Variants in MARCHF1 observed in about 807,000 individuals in gnomAD.
The protein encoded by MARCHF1 is E3 ubiquitin-protein ligase MARCHF1.
A neutral mutation model predicts 54.2 loss-of-function variants in MARCHF1; 40 were observed. The ratio of observed to expected loss-of-function variants is 0.74; its 90% CI spans 0.57 to 0.96. MARCHF1 has a LOEUF of 0.96. Among genes scored for constraint, MARCHF1 ranks in the 40% least tolerant of loss-of-function variants. The probability of loss-of-function intolerance (pLI) is 0.00; values close to 1 mark genes in which losing one functional copy is unlikely to be tolerated. For missense variants in MARCHF1, 586 were observed against 656.5 expected (o/e 0.89, Z 1.17); for synonymous variants, 236 against 236.3 (o/e 1.00, Z 0.01).
intron 1 of MARCHF1, among the ~76,000 whole-genome samples, chr4:164,300,603 G>A (rs1579701503): frequency 6.6e-6 from 1 of 152,224 alleles, no homozygotes; most frequent in East Asian, 1.9e-4. Context: ...CTATAGGGGA[G>A]TGATCTCAGC....
intron 8 of MARCHF1, among the ~76,000 whole-genome samples, chr4:163,546,598 C>CTGT (rs1402021811): frequency 1.3e-5 from 2 of 152,190 alleles, no homozygotes; most frequent in African/African-American, 4.8e-5. Flanking sequence ...TCAACATTTT[C>CTGT]TGTTCACAAC....
intron 7 of MARCHF1, among the ~76,000 whole-genome samples, chr4:163,587,424 A>G (rs1740446068): frequency 6.6e-6 from 1 of 152,246 alleles, no homozygotes; most frequent in African/African-American, 2.4e-5. Context: ...ACGCCATGGA[A>G]TACTATGCAG....
chr4:163,818,759 G>C (rs1748612173), intron 4 of MARCHF1, among the ~76,000 whole-genome samples: 1 of 152,050 alleles, frequency 6.6e-6, no homozygotes, highest in Non-Finnish European at 1.5e-5. Context: ...AAAGACACCA[G>C]TCTCTCAAGT....
intron 4 of MARCHF1, among the ~76,000 whole-genome samples, chr4:163,818,880 C>T (rs545177100): frequency 6.6e-5 from 10 of 152,208 alleles, no homozygotes; most frequent in South Asian, 2.1e-4. Flanking sequence ...TTGAAGCACA[C>T]GTCATTACAT....
intron 8 of MARCHF1, among the ~76,000 whole-genome samples, chr4:163,572,315 CTTCCT>C (rs1235859812): frequency 7.2e-5 from 6 of 83,512 alleles, no homozygotes; most frequent in African/African-American, 2.2e-4. Flanking sequence ...AGGTCTCTTT[CTTCCT>C]TTTTTTTTTT....
chr4:163,778,328 T>C (rs1479927851), intron 4 of MARCHF1, among the ~76,000 whole-genome samples: 1 of 152,210 alleles, frequency 6.6e-6, no homozygotes, highest in Non-Finnish European at 1.5e-5. Flanking sequence ...TTTGACTTCA[T>C]AAGAAACTGC....
intron 1 of MARCHF1, among the ~76,000 whole-genome samples, chr4:164,324,041 T>C (rs896692695): frequency 2.0e-5 from 3 of 151,582 alleles, no homozygotes; most frequent in Non-Finnish European, 4.4e-5. Flanking sequence ...TAAAGACTAA[T>C]TTTAATTATT....
At chr4:163,832,131 A>G (rs1474724025) in intron 4 of MARCHF1, among the ~76,000 whole-genome samples, 1 of 152,248 alleles carries the variant, frequency 6.6e-6, no homozygotes, top group Admixed American at 6.5e-5. Context: ...GGCAGATTTA[A>G]CAAGACAACG....
chr4:164,075,095 G>T (rs2111100017), intron 2 of MARCHF1, among the ~76,000 whole-genome samples: 1 of 152,144 alleles, frequency 6.6e-6, no homozygotes, highest in East Asian at 1.9e-4. Flanking sequence ...ATCAAGAAAA[G>T]CAGCCTCTGT....
rs148771777 is a variant in MARCHF1, at chr4:164,197,494, G to A, written c.-322-85832C>T. On this transcript the variant is annotated intron_variant, in intron 1 of 9. Coordinates refer to ENST00000514618, the MANE Select transcript of MARCHF1 (RefSeq NM_001394959.1). ...TTCTGCCAATACTTCCAGGCCCCCT[G>A]AGACTCTTAGTTCAAGCTTTCTCAA... The A allele has an allele frequency of 6.3e-5, 101 of 1,613,658 alleles. No individual in the cohort carries two copies. The South Asian group carries it at 9.1e-4, about 15-fold the overall frequency.
chr4:163,989,564 C>G (rs992506754), intron 2 of MARCHF1, among the ~76,000 whole-genome samples: 2 of 152,192 alleles, frequency 1.3e-5, no homozygotes, highest in Admixed American at 6.5e-5. Context: ...TTTACTATTA[C>G]TGTCCTCTCA....
chr4:164,187,727 G>T (rs1317910454), intron 1 of MARCHF1, among the ~76,000 whole-genome samples: 2 of 152,034 alleles, frequency 1.3e-5, no homozygotes, highest in Non-Finnish European at 2.9e-5. Context: ...TCAATACAAC[G>T]TTTTTAGTAA....
At chr4:164,267,939 A>G (rs1475216984) in intron 1 of MARCHF1, among the ~76,000 whole-genome samples, 1 of 151,838 alleles carries the variant, frequency 6.6e-6, no homozygotes, top group African/African-American at 2.4e-5. Flanking sequence ...CTGCAAGCTG[A>G]GAATTTAATT....
chr4:163,699,423 C>T (rs866550666), intron 5 of MARCHF1, among the ~76,000 whole-genome samples: 2 of 152,268 alleles, frequency 1.3e-5, no homozygotes, highest in South Asian at 4.2e-4. Flanking sequence ...TGACCATTGG[C>T]ATTGTCCTGA....
At chr4:163,829,317 C>T (rs188482090) in intron 4 of MARCHF1, among the ~76,000 whole-genome samples, 3 of 152,196 alleles carry the variant, frequency 2.0e-5, no homozygotes. Flanking sequence ...TTTTCCATGC[C>T]TATTCTGCCA....
At chr4:164,216,314 C>A (rs1731928048) in intron 1 of MARCHF1, among the ~76,000 whole-genome samples, 1 of 152,120 alleles carries the variant, frequency 6.6e-6, no homozygotes, top group Non-Finnish European at 1.5e-5. Flanking sequence ...GTCAGGTAGT[C>A]AAAGTATAAA....
intron 5 of MARCHF1, among the ~76,000 whole-genome samples, chr4:163,616,223 T>C (rs1741504642): frequency 6.6e-6 from 1 of 152,124 alleles, no homozygotes; most frequent in African/African-American, 2.4e-5. Flanking sequence ...CAAATGAGAC[T>C]ACATCAAACT....
At chr4:164,334,570 C>A (rs180737633) in intron 1 of MARCHF1, among the ~76,000 whole-genome samples, 1 of 152,004 alleles carries the variant, frequency 6.6e-6, no homozygotes, top group Non-Finnish European at 1.5e-5. Context: ...TGACAATGCA[C>A]CCGATCACCA....
chr4:164,357,846 T>C (rs6821800), intron 1 of MARCHF1, among the ~76,000 whole-genome samples: 65,092 of 151,934 alleles, frequency 0.43, 14,772 homozygotes, highest in Non-Finnish European at 0.5. Context: ...ACAAAATAGA[T>C]TTTTAAGAAA....
Sources: allele counts gnomAD v4.1 joint callset (sites outside exome capture counted in the v4.1 genomes callset), GRCh38; gene constraint gnomAD v4.1.1; transcripts MANE v1.5; gene names NCBI Gene and HGNC (gene_info 2026-07-23, HGNC 2026-07-21).